PRDM6: variants seen among roughly 807,000 people sequenced by gnomAD.
The protein encoded by PRDM6 is putative histone-lysine N-methyltransferase PRDM6.
A neutral mutation model predicts 60.8 loss-of-function variants in PRDM6; 25 were observed. That is an observed-to-expected ratio of 0.41 (90% CI 0.30 to 0.57). The LOEUF is 0.57. PRDM6 is among the 20% of genes least tolerant of loss of function. PRDM6 has a pLI of 0.27. For missense variants in PRDM6, 839 were observed against 821.3 expected, an observed-to-expected ratio of 1.02 and a Z score of -0.26; for synonymous variants, 407 against 357.4, an observed-to-expected ratio of 1.14 and a Z score of -1.57.
intron 7 of PRDM6, among the ~76,000 whole-genome samples, chr5:123,184,487 A>C (rs886993376): frequency 1.3e-5 from 2 of 152,176 alleles, no homozygotes; most frequent in Non-Finnish European, 2.9e-5. Context: ...GAAGCCCCTG[A>C]GTGCAAGGGC....
chr5:123,170,661 A>C, intron 5 of PRDM6, 105 bp from the exon 6 acceptor site: 1 of 873,670 alleles, frequency 1.1e-6, no homozygotes, highest in Non-Finnish European at 1.7e-6. Flanking sequence ...CCAGAAACAC[A>C]AATTCTTAAA....
At chr5:123,090,694 T>C in intron 2 of PRDM6, 88 bp downstream of exon 2, 1 of 265,918 alleles carries the variant, frequency 3.8e-6, no homozygotes, top group Non-Finnish European at 6.0e-6. Flanking sequence ...GCGGGTCGGA[T>C]AGGAGTGACA....
At chr5:123,134,589 A>AT (rs1764910196) in intron 3 of PRDM6, among the ~76,000 whole-genome samples, 2 of 152,246 alleles carry the variant, frequency 1.3e-5, no homozygotes, top group South Asian at 4.1e-4. Flanking sequence ...TTTTATGGGC[A>AT]TTTTTTAATT....
intron 5 of PRDM6, among the ~76,000 whole-genome samples, chr5:123,167,018 T>A (rs143491412): frequency 1.9e-3 from 289 of 152,370 alleles, no homozygotes; most frequent in African/African-American, 6.5e-3. Flanking sequence ...TGAAATTTCC[T>A]GTCCTTTTTC....
chr5:123,177,802 G>C (rs569391326), intron 6 of PRDM6, among the ~76,000 whole-genome samples: 1 of 152,282 alleles, frequency 6.6e-6, no homozygotes, highest in African/African-American at 2.4e-5. Flanking sequence ...ATCATCTTCA[G>C]TCCATTCCCC....
intron 3 of PRDM6, among the ~76,000 whole-genome samples, chr5:123,120,582 C>T (rs1463708067): frequency 6.6e-6 from 1 of 152,156 alleles, no homozygotes; most frequent in African/African-American, 2.4e-5. Context: ...TCACAGCTCA[C>T]CATCCGGAGG....
chr5:123,106,421 T>C (rs1764197975), intron 3 of PRDM6, among the ~76,000 whole-genome samples: 2 of 152,072 alleles, frequency 1.3e-5, no homozygotes. Flanking sequence ...CTCTGAGGCT[T>C]GGTGGTAAAA....
At chr5:123,136,295 G>A (rs959802013) in intron 3 of PRDM6, among the ~76,000 whole-genome samples, 5 of 152,002 alleles carry the variant, frequency 3.3e-5, no homozygotes, top group Non-Finnish European at 7.4e-5. Flanking sequence ...GTTACATGGT[G>A]ACCCACCACT....
At chr5:123,131,423 T>A (rs901477718) in intron 3 of PRDM6, among the ~76,000 whole-genome samples, 2 of 152,182 alleles carry the variant, frequency 1.3e-5, no homozygotes, top group Admixed American at 1.3e-4. Context: ...TATGCTTACA[T>A]CAAAATTTCA....
chr5:123,186,579 A>AC (rs1766293866), intron 7 of PRDM6, among the ~76,000 whole-genome samples: 1 of 152,214 alleles, frequency 6.6e-6, no homozygotes, highest in African/African-American at 2.4e-5. Flanking sequence ...GACCACGCCT[A>AC]CTGCCCCTCA....
chr5:123,100,411 G>C (rs1368447670), intron 3 of PRDM6, among the ~76,000 whole-genome samples: 1 of 152,210 alleles, frequency 6.6e-6, no homozygotes, highest in Non-Finnish European at 1.5e-5. Context: ...TGAGCAGAAA[G>C]GAACAGAAGC....
intron 3 of PRDM6, among the ~76,000 whole-genome samples, chr5:123,129,661 T>A (rs755453064): frequency 2.3e-4 from 35 of 152,192 alleles, no homozygotes; most frequent in Non-Finnish European, 3.4e-4. Flanking sequence ...AACCTGTAGG[T>A]CTATCCTAAA....
At chr5:123,176,459 C>G (rs773781833) in intron 6 of PRDM6, among the ~76,000 whole-genome samples, 6 of 152,084 alleles carry the variant, frequency 3.9e-5, no homozygotes, top group Non-Finnish European at 7.4e-5. Flanking sequence ...ACCTGTAATC[C>G]CAGCACTTTG....
At chr5:123,167,937 T>C (rs965905554) in intron 5 of PRDM6, among the ~76,000 whole-genome samples, 2 of 152,202 alleles carry the variant, frequency 1.3e-5, no homozygotes, top group East Asian at 3.8e-4. Flanking sequence ...TAAAACCTCG[T>C]GGGCTTCCCT....
rs115374444 is a variant in PRDM6 at position 123,156,279 on chromosome 5, A to T, written c.1028+268A>T. On this transcript the variant is annotated intron_variant, in intron 4 of 7. Transcript: ENST00000407847. Reference sequence around the variant, plus strand: ...TTACTCCCACATCATTAGAACTTCCAGAATGGTCTGAATGAGCCCAGCAAA... The same window carrying T: ...TTACTCCCACATCATTAGAACTTCCTGAATGGTCTGAATGAGCCCAGCAAA... 8.4e-3 allele frequency among the ~76,000 whole-genome samples: 1,280 copies of T among 152,248 alleles called. 9 individuals carry two copies. The highest frequency in any genetic ancestry group is 0.014 in the Middle Eastern group (4 of 294).
intron 2 of PRDM6, among the ~76,000 whole-genome samples, chr5:123,098,546 G>C (rs1305654266): frequency 6.6e-6 from 1 of 152,234 alleles, no homozygotes; most frequent in Admixed American, 6.5e-5. Flanking sequence ...TTCCAGCCCA[G>C]TTCGAGTGGA....
chr5:123,109,052 C>T (rs1764252881), intron 3 of PRDM6, among the ~76,000 whole-genome samples: 1 of 152,110 alleles, frequency 6.6e-6, no homozygotes, highest in South Asian at 2.1e-4. Context: ...ATTATAAAAA[C>T]ACTTCTACCA....
At chr5:123,149,137 T>A (rs1765317358) in intron 3 of PRDM6, among the ~76,000 whole-genome samples, 1 of 152,242 alleles carries the variant, frequency 6.6e-6, no homozygotes. Flanking sequence ...TTTTGAAAGT[T>A]TCATTTTGTG....
At position 123,187,956 on chromosome 5, in the gene PRDM6, C is replaced by T. The variant is rs536004715; in HGVS notation, c.*755C>T. On this transcript the variant is annotated 3_prime_UTR_variant, in exon 8 of 8. Coordinates refer to ENST00000407847, the MANE Select transcript of PRDM6 (RefSeq NM_001136239.4). The stretch of plus-strand genomic sequence containing the variant: ...AGCTTCATAATACGTTATATTGTTC[C>T]GAAGCAGCTCGTTGAGAAACATTTG... 10 of 151,136 alleles carry T rather than the reference C, an allele frequency of 6.6e-5. No homozygotes were observed. Among genetic ancestry groups the T allele is most frequent in the East Asian group, 1.9e-4 (1 of 5,144 alleles). The allele number at this position is 151,136 out of a possible 1,614,324, so 9.4% of individuals were successfully genotyped here.
Sources: gnomAD v4.1 joint callset for allele counts (sites outside exome capture counted in the v4.1 genomes callset) on GRCh38, gnomAD v4.1.1 for gene constraint, MANE v1.5 for transcripts, NCBI Gene and HGNC (gene_info 2026-07-23, HGNC 2026-07-21) for gene names.